The following FAM118B variants were observed in gnomAD, a reference collection of about 807,000 sequenced individuals.
FAM118B encodes SIR2 antiphage like 1.
A neutral mutation model predicts 38.5 loss-of-function variants in FAM118B; 24 were observed. That is an observed-to-expected ratio of 0.62 (90% CI 0.45 to 0.88). FAM118B has a LOEUF of 0.88. Ranked by LOEUF, FAM118B falls within the 40% of genes least tolerant of loss-of-function variation. The pLI, the probability that FAM118B is intolerant of heterozygous loss-of-function variation, is 0.00. For missense variants in FAM118B, 334 were observed against 420.0 expected (o/e 0.80, Z 1.79); for synonymous variants, 138 against 156.3 (o/e 0.88, Z 0.87).
At chr11:126,218,670 T>G (rs1391256352) in intron 1 of FAM118B, among the ~76,000 whole-genome samples, 1 of 152,242 alleles carries the variant, frequency 6.6e-6, no homozygotes, top group Non-Finnish European at 1.5e-5. Context: ...TGTTCATTTC[T>G]GTTTTGTTTT....
At chr11:126,242,264 A>G (rs898591448) in intron 4 of FAM118B, among the ~76,000 whole-genome samples, 1 of 152,184 alleles carries the variant, frequency 6.6e-6, no homozygotes, top group Non-Finnish European at 1.5e-5. Flanking sequence ...GGACTTCTCC[A>G]AAGTTAAAAA....
At position 126,261,481 on chromosome 11, in the gene FAM118B, A is replaced by G; in HGVS notation, c.1039A>G (p.Arg347Gly). 6.2e-7 allele frequency: 1 copy of G among 1,611,630 alleles called. No individual in the cohort carries two copies. The highest frequency in any genetic ancestry group is 8.5e-7 in the Non-Finnish European group (1 of 1,177,680). Residue 347 changes from arginine to glycine, a missense_variant, in exon 8 of 9, where the codon AGA (arginine) becomes GGA (glycine). Arg to Gly is a moderately radical substitution (Grantham distance 125). Transcript: ENST00000533050. Reference protein sequence around the residue: ...NGSSAAHSEIRGCST With the variant: ...NGSSAAHSEIGGCST ...CTCATCTGCAGCACACAGTGAAATA[A>G]GAGGTATACTGTTTCCTATTCTACT...
intron 4 of FAM118B, among the ~76,000 whole-genome samples, chr11:126,245,938 G>A (rs539430529): frequency 6.6e-6 from 1 of 150,884 alleles, no homozygotes; most frequent in Admixed American, 6.6e-5. Flanking sequence ...GGAGGTTGCA[G>A]TGAGCCGAGA....
At position 126,262,300 on chromosome 11, in the gene FAM118B, A is replaced by C. The variant is rs992041329; in HGVS notation, c.*167A>C. On this transcript the variant is annotated 3_prime_UTR_variant, in exon 9 of 9. Coordinates refer to ENST00000533050, the MANE Select transcript of FAM118B (RefSeq NM_024556.4). ...GGGGAATGTTGCAGCGTAATCCTTC[A>C]TACCACCTGGTTCTTGATATTCTGC... The C allele has an allele frequency of 1.5e-5, 10 of 674,624 alleles. No homozygotes were observed. The highest frequency in any genetic ancestry group is 2.3e-5 in the Non-Finnish European group (9 of 391,744). 41.8% of individuals were successfully genotyped at this position (674,624 alleles called of 1,614,324 possible). A position where few individuals can be genotyped will look rare whatever the true frequency, so the allele number is the denominator to read the frequency against.
At chr11:126,237,935 A>G (rs570901326) in intron 3 of FAM118B, among the ~76,000 whole-genome samples, 11 of 150,714 alleles carry the variant, frequency 7.3e-5, no homozygotes, top group Non-Finnish European at 1.5e-4. Flanking sequence ...TCTCCTTCCC[A>G]TACTATCTCT....
rs576293777 is a variant in FAM118B at position 126,221,574 on chromosome 11, C to T, written c.-76-7651C>T. ...TGAAGGGCTGCCTGACTGAAACTTA[C>T]ATGGCTATCTCCTGGGCCTGAAGCA... On this transcript the variant is annotated intron_variant, in intron 1 of 8. Coordinates refer to ENST00000533050, the MANE Select transcript of FAM118B (RefSeq NM_024556.4). Among the ~76,000 whole-genome samples, 24 of 152,120 alleles carry T rather than the reference C, an allele frequency of 1.6e-4. No individual in the cohort carries two copies. In the South Asian group the frequency reaches 4.6e-3, roughly 29 times the overall value.
In FAM118B at chr11:126,250,769, GT is replaced by G; in HGVS notation, c.567+37del. The G allele has an allele frequency of 6.7e-7, 1 of 1,483,096 alleles. No individual in the cohort carries two copies. The highest frequency in any genetic ancestry group is 9.3e-7 in the Non-Finnish European group (1 of 1,074,040). The allele number at this position is 1,483,096 out of a possible 1,614,324, so 91.9% of individuals were successfully genotyped here. A position where few individuals can be genotyped will look rare whatever the true frequency, so the allele number is the denominator to read the frequency against. Reference sequence around the variant, plus strand: ...AAGCATTGGTCCCTTCTTCAGGCTAGTGGATTTTATCTTCCTCAGAAAAGCT... The same window carrying G: ...AAGCATTGGTCCCTTCTTCAGGCTAGGGATTTTATCTTCCTCAGAAAAGCT... On this transcript the variant is annotated intron_variant, in intron 5 of 8. Transcript: ENST00000533050. The surrounding 1 kb of genome is among the most constrained non-coding windows in gnomAD (Gnocchi z 5.1).
chr11:126,247,588 G>A (rs912212312), intron 4 of FAM118B, among the ~76,000 whole-genome samples: 2 of 152,004 alleles, frequency 1.3e-5, no homozygotes, highest in African/African-American at 2.4e-5. Context: ...TTGCCAGCGC[G>A]GTGGCTCACG....
intron 5 of FAM118B, among the ~76,000 whole-genome samples, chr11:126,251,552 A>G (rs1950503714): frequency 6.6e-6 from 1 of 152,144 alleles, no homozygotes. Flanking sequence ...CTCTGGTCCA[A>G]GTGTCTTCCG....
chr11:126,248,358 CTTTTTTTTT>C lies in FAM118B; in HGVS notation c.340-2127_340-2119del, dbSNP rs1167017613. 2.7e-4 allele frequency among the ~76,000 whole-genome samples: 10 copies of C among 36,966 alleles called. 1 individual carries two copies. Among genetic ancestry groups the C allele is most frequent in the Admixed American group, 2.3e-3 (4 of 1,744 alleles). The allele number at this position is 36,966 out of a possible 152,430, so 24.3% of individuals were successfully genotyped here. A position where few individuals can be genotyped will look rare whatever the true frequency, so the allele number is the denominator to read the frequency against. On this transcript the variant is annotated intron_variant, in intron 4 of 8. Transcript: ENST00000533050. ...GTATCTGACCTTCAATAGTAGTTGA[CTTTTTTTTT>C]TTTTTTTTTTTTTTTTTTTTGAGAT... is the stretch of plus-strand genomic sequence containing the variant.
chr11:126,251,682 ATC>A (rs930167912), intron 5 of FAM118B, among the ~76,000 whole-genome samples: 2 of 149,206 alleles, frequency 1.3e-5, no homozygotes, highest in African/African-American at 2.5e-5. Context: ...TATTTTTTTT[ATC>A]CAGTCTCTTG....
At chr11:126,241,339 T>C (rs1950355315) in intron 4 of FAM118B, 2 of 264,398 alleles carry the variant, frequency 7.6e-6, no homozygotes, top group Non-Finnish European at 1.4e-5. Flanking sequence ...GCATCACTAC[T>C]ATAAAAGCTG....
At chr11:126,228,549 A>T (rs879355040) in intron 1 of FAM118B, among the ~76,000 whole-genome samples, 5 of 150,212 alleles carry the variant, frequency 3.3e-5, no homozygotes, top group Admixed American at 6.7e-5. Context: ...AGACTTGTCA[A>T]TTTTTCGTTT....
chr11:126,234,896 A>T, intron 2 of FAM118B, 99 bp from the exon 3 acceptor site: 1 of 874,820 alleles, frequency 1.1e-6, no homozygotes, highest in Non-Finnish European at 1.7e-6. Context: ...AAACACCTTT[A>T]AGGGTATACA....
intron 1 of FAM118B, among the ~76,000 whole-genome samples, chr11:126,217,118 G>A (rs1432780113): frequency 6.6e-6 from 1 of 152,248 alleles, no homozygotes; most frequent in Non-Finnish European, 1.5e-5. Context: ...GACATGGGGA[G>A]CATGCCAACT....
Position 126,211,805 on chromosome 11 carries a change from G to T in FAM118B, c.-102G>T, listed in dbSNP as rs369602343. On this transcript the variant is annotated 5_prime_UTR_variant, in exon 1 of 9. Transcript: ENST00000533050. ...CTGCGCCGGCCGGTAGCTGCAGCTGGAGCAGTGGCGTTTGGAGGAGACTCG... is the reference window on the plus strand; with the variant it reads ...CTGCGCCGGCCGGTAGCTGCAGCTGTAGCAGTGGCGTTTGGAGGAGACTCG... 6.5e-4 allele frequency: 452 copies of T among 698,298 alleles called. 2 individuals carry two copies. The East Asian group carries it at 0.011, about 16-fold the overall frequency. The allele number at this position is 698,298 out of a possible 1,614,324, so 43.3% of individuals were successfully genotyped here. A position where few individuals can be genotyped will look rare whatever the true frequency, so the allele number is the denominator to read the frequency against.
At chr11:126,242,326 A>C (rs1950370334) in intron 4 of FAM118B, among the ~76,000 whole-genome samples, 1 of 152,192 alleles carries the variant, frequency 6.6e-6, no homozygotes, top group Non-Finnish European at 1.5e-5. Context: ...ATGGTGGCTC[A>C]TGCCTATAAT....
At chr11:126,236,652 G>C (rs1202699997) in intron 3 of FAM118B, among the ~76,000 whole-genome samples, 1 of 151,986 alleles carries the variant, frequency 6.6e-6, no homozygotes, top group African/African-American at 2.4e-5. Flanking sequence ...TTACTTTTTT[G>C]ATACTTTCCA....
chr11:126,236,428 A>G (rs779569786), intron 3 of FAM118B, among the ~76,000 whole-genome samples: 14 of 151,908 alleles, frequency 9.2e-5, no homozygotes, highest in Non-Finnish European at 1.5e-4. Flanking sequence ...CTGATTCCCA[A>G]TCCTTTGTAT....
Sources: gnomAD v4.1 joint callset for allele counts (sites outside exome capture counted in the v4.1 genomes callset) on GRCh38, gnomAD v4.1.1 for gene constraint, Gnocchi (gnomAD v3.1) non-coding constraint, MANE v1.5 for transcripts, NCBI Gene and HGNC (gene_info 2026-07-23, HGNC 2026-07-21) for gene names.